MEF2A: variants seen among roughly 807,000 people sequenced by gnomAD.
MEF2A encodes the protein myocyte-specific enhancer factor 2A.
MEF2A carries 28 observed loss-of-function variants against 55.8 expected under a neutral mutation model. The ratio of observed to expected loss-of-function variants is 0.50; its 90% CI spans 0.37 to 0.69. MEF2A has a LOEUF of 0.69. Among genes scored for constraint, MEF2A ranks in the 30% least tolerant of loss-of-function variants. MEF2A has a pLI of 0.00. For missense variants in MEF2A, 528 were observed against 626.2 expected (o/e 0.84, Z 1.67); for synonymous variants, 239 against 227.1 (o/e 1.05, Z -0.47).
chr15:99,642,702 A>G (rs2045249875), intron 3 of MEF2A, among the ~76,000 whole-genome samples: 1 of 152,216 alleles, frequency 6.6e-6, no homozygotes, highest in African/African-American at 2.4e-5. Context: ...TTCTACATTT[A>G]GAACAAGATT....
Position 99,659,276 on chromosome 15 carries a change from G to A in MEF2A, c.259-12047G>A, listed in dbSNP as rs148809181. ...CTCAAAACTGTTGGGATTGGGGGGT[G>A]GGGCAGGTAGGGAATCTTACTACCA... On this transcript the variant is annotated intron_variant, in intron 4 of 11. Transcript: ENST00000557942. 8.3e-3 allele frequency among the ~76,000 whole-genome samples: 1,259 copies of A among 152,130 alleles called. 7 individuals carry two copies. Among genetic ancestry groups the A allele is most frequent in the Non-Finnish European group, 0.014 (969 of 67,996 alleles).
chr15:99,596,715 G>C (rs1042598870), intron 1 of MEF2A, among the ~76,000 whole-genome samples: 1 of 152,192 alleles, frequency 6.6e-6, no homozygotes, highest in Admixed American at 6.5e-5. Context: ...CAATAGGAGC[G>C]AGGAGAGAGA....
chr15:99,601,976 C>T (rs746097165), intron 2 of MEF2A, among the ~76,000 whole-genome samples: 1 of 151,938 alleles, frequency 6.6e-6, no homozygotes, highest in Non-Finnish European at 1.5e-5. Context: ...GACCTCTGGA[C>T]CTGGAGGTTC....
intron 1 of MEF2A, among the ~76,000 whole-genome samples, chr15:99,589,285 C>A (rs988046141): frequency 6.6e-6 from 1 of 152,184 alleles, no homozygotes; most frequent in Admixed American, 6.5e-5. Context: ...TGATAGTCTG[C>A]ATGTTCTAAG....
chr15:99,584,705 G>T (rs994412785), intron 1 of MEF2A, among the ~76,000 whole-genome samples: 1 of 152,156 alleles, frequency 6.6e-6, no homozygotes, highest in Non-Finnish European at 1.5e-5. Context: ...CATAGGGAAT[G>T]GGGAGTGAGT....
Position 99,713,050 on chromosome 15 carries a change from A to G in MEF2A, c.*279A>G, listed in dbSNP as rs1027132059. On this transcript the variant is annotated 3_prime_UTR_variant, in exon 12 of 12. Coordinates refer to ENST00000557942, the MANE Select transcript of MEF2A (RefSeq NM_001319206.4). ...ACAGACAAGTCTGGCACTTCCTTGG[A>G]CTACTTGTTTCGTAAAGATAACCAG... 38 of 482,084 alleles carry G rather than the reference A, an allele frequency of 7.9e-5. No homozygotes were observed. The highest frequency in any genetic ancestry group is 6.8e-4 in the African/African-American group (35 of 51,806). 29.9% of individuals were successfully genotyped at this position (482,084 alleles called of 1,614,324 possible).
At chr15:99,705,459 A>G (rs1048469704) in intron 9 of MEF2A, among the ~76,000 whole-genome samples, 5 of 152,224 alleles carry the variant, frequency 3.3e-5, no homozygotes, top group Admixed American at 6.5e-5. Flanking sequence ...AAAGATTGCT[A>G]TATCTTCTTT....
chr15:99,636,921 A>T (rs1174104814), intron 3 of MEF2A, among the ~76,000 whole-genome samples: 1 of 152,162 alleles, frequency 6.6e-6, no homozygotes, highest in East Asian at 1.9e-4. Context: ...TAGTTGTCCC[A>T]GTACAATTTA....
intron 1 of MEF2A, among the ~76,000 whole-genome samples, chr15:99,578,649 G>A (rs1003119730): frequency 2.0e-5 from 3 of 152,076 alleles, no homozygotes; most frequent in African/African-American, 4.8e-5. Context: ...GTGTGTATAC[G>A]AACCCACACA....
rs1276526406 is a variant in MEF2A, at chr15:99,712,656, G to A, written c.1403G>A (p.Arg468Gln). 7 of 1,555,116 alleles carry A rather than the reference G, an allele frequency of 4.5e-6. No individual in the cohort carries two copies. Among genetic ancestry groups the A allele is most frequent in the South Asian group, 3.6e-5 (3 of 84,196 alleles). The change falls in exon 12 of 12, where the codon CGG becomes CAG. Residue 468 changes from arginine to glutamine, a missense_variant. Transcript: ENST00000557942. This position sits in a 1 kb window ranked among gnomAD's most constrained non-coding sequence, Gnocchi z 4.1. ...SSSSSYDGSD[R>Q]EDPRGDFHSP... is the part of the protein sequence containing the mutation. ...AGTAGCTCCTATGATGGCAGTGATC[G>A]GGAGGATCCACGGGGCGACTTCCAT...
intron 2 of MEF2A, among the ~76,000 whole-genome samples, chr15:99,615,813 T>C (rs760774821): frequency 4.6e-5 from 7 of 152,226 alleles, no homozygotes; most frequent in African/African-American, 1.7e-4. Flanking sequence ...CGTTGTACTA[T>C]AGGTGATTTG....
intron 1 of MEF2A, among the ~76,000 whole-genome samples, chr15:99,575,435 T>TA (rs1252416175): frequency 6.6e-6 from 1 of 152,190 alleles, no homozygotes; most frequent in African/African-American, 2.4e-5. Context: ...TCTTTGTAAT[T>TA]AGATTCAGGT....
chr15:99,648,255 A>C (rs1260336382), intron 4 of MEF2A, among the ~76,000 whole-genome samples: 4 of 152,094 alleles, frequency 2.6e-5, no homozygotes, highest in Non-Finnish European at 5.9e-5. Flanking sequence ...ATGCCCATTT[A>C]CTCATTTGAC....
In MEF2A at chr15:99,674,665, T is replaced by G. The variant is rs576343063; in HGVS notation, c.610+53T>G. On this transcript the variant is annotated intron_variant, in intron 6 of 11. Transcript: ENST00000557942. ...TCTTTAATAAAGAGGGTGAAAAAAT[T>G]CATTGCTAACATAAGCAGTTTCTTA... 5 of 1,437,490 alleles carry G rather than the reference T, an allele frequency of 3.5e-6. 1 individual carries two copies. The South Asian group carries it at 5.9e-5, about 17-fold the overall frequency. 89.0% of individuals were successfully genotyped at this position (1,437,490 alleles called of 1,614,324 possible).
At chr15:99,681,359 C>T (rs1183884495) in intron 7 of MEF2A, among the ~76,000 whole-genome samples, 1 of 152,106 alleles carries the variant, frequency 6.6e-6, no homozygotes, top group Non-Finnish European at 1.5e-5. Context: ...CGGAGGACAG[C>T]AGTAGTTGAA....
At chr15:99,670,217 TTAAAAA>T (rs767005542) in intron 4 of MEF2A, among the ~76,000 whole-genome samples, 27 of 152,282 alleles carry the variant, frequency 1.8e-4, no homozygotes, top group Non-Finnish European at 2.5e-4. Context: ...TGAATTTAAG[TTAAAAA>T]TAAAAATCAG....
At chr15:99,595,998 C>T (rs546590678) in intron 1 of MEF2A, among the ~76,000 whole-genome samples, 22 of 152,034 alleles carry the variant, frequency 1.4e-4, no homozygotes, top group Non-Finnish European at 2.9e-4. Context: ...TTGATGATAA[C>T]TGACTCAGCA....
At chr15:99,642,910 A>G (rs1438881558) in intron 3 of MEF2A, among the ~76,000 whole-genome samples, 1 of 152,240 alleles carries the variant, frequency 6.6e-6, no homozygotes, top group Non-Finnish European at 1.5e-5. Context: ...AAGAAAACCC[A>G]GTCTCTTTTT....
At chr15:99,616,692 T>C (rs963717737) in intron 2 of MEF2A, among the ~76,000 whole-genome samples, 13 of 152,086 alleles carry the variant, frequency 8.5e-5, no homozygotes, top group African/African-American at 1.7e-4. Context: ...TATATATATA[T>C]ACACCCATCA....
Sources: allele counts gnomAD v4.1 joint callset (sites outside exome capture counted in the v4.1 genomes callset), GRCh38; gene constraint gnomAD v4.1.1; non-coding constraint Gnocchi (gnomAD v3.1); transcripts MANE v1.5; gene names NCBI Gene and HGNC (gene_info 2026-07-23, HGNC 2026-07-21).